Variants in MAPK8IP2 observed in about 807,000 individuals in gnomAD.
MAPK8IP2 encodes mitogen-activated protein kinase 8 interacting protein 2.
In MAPK8IP2, 15 loss-of-function variants were observed where a neutral mutation model predicts 75.6. The observed-to-expected ratio is 0.20, with a 90% CI of 0.13 to 0.31. The LOEUF (loss-of-function observed/expected upper bound fraction) is 0.31. Ranked by LOEUF, MAPK8IP2 falls within the 10% of genes least tolerant of loss-of-function variation. The probability of loss-of-function intolerance (pLI) is 1.00; values close to 1 mark genes in which losing one functional copy is unlikely to be tolerated. For synonymous variants in MAPK8IP2, 632 were observed against 554.5 expected (o/e 1.14, Z -1.96); for missense variants, 1,089 against 1,211.2 (o/e 0.90, Z 1.50).
chr22:50,601,534 G>A, intron 1 of MAPK8IP2: 1 of 453,468 alleles, frequency 2.2e-6, no homozygotes, highest in Non-Finnish European at 4.1e-6. Flanking sequence ...GAGGCTGCTG[G>A]CTCTCCAGGG....
In MAPK8IP2 at chr22:50,607,668, A is replaced by G. The variant is rs470115; in HGVS notation, c.2303+677A>G. On this transcript the variant is annotated intron_variant, in intron 10 of 11. Coordinates refer to ENST00000329492, the MANE Select transcript of MAPK8IP2 (RefSeq NM_012324.6). This position sits in a 1 kb window ranked among gnomAD's most constrained non-coding sequence, Gnocchi z 5.6. ...GGGTGACCTGGAAGAGACCAGGGTG[A>G]CGTCTCCCTGGGGGATGGTTGTACT... Among the ~76,000 whole-genome samples the G allele has an allele frequency of 0.82, 124,183 of 151,508 alleles. 51,115 individuals carry two copies. Among genetic ancestry groups the G allele is most frequent in the East Asian group, 1 (5,108 of 5,128 alleles).
At chr22:50,603,132 GA>G (rs2070963928) in intron 2 of MAPK8IP2, 90 bp from the exon 3 acceptor site, 34 of 1,603,578 alleles carry the variant, frequency 2.1e-5, no homozygotes, top group Non-Finnish European at 2.8e-5. Context: ...TCCTTTGACT[GA>G]TGCTCCCCGA....
rs1280484947 is a variant in MAPK8IP2 at position 50,603,358 on chromosome 22, GA to G, written c.308del (p.Glu103GlyfsTer41). The G allele has an allele frequency of 6.4e-7, 1 of 1,555,102 alleles. No homozygotes were observed. On this transcript the variant is annotated frameshift_variant, in exon 3 of 12. Transcript: ENST00000329492. LOFTEE classifies it high-confidence loss of function. Reference sequence around the variant, plus strand: ...CGAGGAAGAGGAGGAGGAGGAGGAGGAGGGAGATGGGGAAGGCCAGGAGGGA... The same window carrying G: ...CGAGGAAGAGGAGGAGGAGGAGGAGGGGGAGATGGGGAAGGCCAGGAGGGA... ...EDEEEEEEEEEGDGEGQEGGD... is the reference protein window; with the variant it reads ...EDEEEEEEEEXGDGEGQEGGD...
chr22:50,608,200 G>A (rs2071081418), intron 10 of MAPK8IP2, among the ~76,000 whole-genome samples: 1 of 152,206 alleles, frequency 6.6e-6, no homozygotes, highest in Admixed American at 6.5e-5. Flanking sequence ...TGTTGTCCCC[G>A]CCGAGTGCAG....
intron 3 of MAPK8IP2, 54 bp downstream of exon 3, chr22:50,603,552 G>A: frequency 1.3e-6 from 2 of 1,578,718 alleles, no homozygotes; most frequent in Non-Finnish European, 1.7e-6. Flanking sequence ...CATAGCACCT[G>A]GGCTGCAGCC....
chr22:50,610,192 C>T lies in MAPK8IP2; in HGVS notation c.2304-20C>T. 6.3e-7 allele frequency: 1 copy of T among 1,585,500 alleles called. No individual in the cohort carries two copies. The highest frequency in any genetic ancestry group is 2.3e-5 in the East Asian group (1 of 43,590). Reference sequence around the variant, plus strand: ...CTGGGCCAGGGCTCTGACGTGCCCTCCACACTGACTTGCCCGCAGCTATTT... The same window carrying T: ...CTGGGCCAGGGCTCTGACGTGCCCTTCACACTGACTTGCCCGCAGCTATTT... On this transcript the variant is annotated intron_variant, in intron 10 of 11. Transcript: ENST00000329492. The surrounding 1 kb of genome is among the most constrained non-coding windows in gnomAD (Gnocchi z 4.3).
At position 50,613,033 on chromosome 22, in the gene MAPK8IP2, C is replaced by A. The variant is rs1398777823; in HGVS notation, c.*2254C>A. The A allele has an allele frequency of 2.0e-5, 3 of 152,648 alleles. No homozygotes were observed. The highest frequency in any genetic ancestry group is 7.2e-5 in the African/African-American group (3 of 41,456). The allele number at this position is 152,648 out of a possible 1,614,324, so 9.5% of individuals were successfully genotyped here. The stretch of plus-strand genomic sequence containing the variant: ...GCTCCTTCTCCAATCTCATGGTCTT[C>A]TTGAGCTTGGCCGCCCTCCACGCCC... On this transcript the variant is annotated 3_prime_UTR_variant, in exon 12 of 12. Coordinates refer to ENST00000329492, the MANE Select transcript of MAPK8IP2 (RefSeq NM_012324.6).
In MAPK8IP2 at chr22:50,605,552, C is replaced by G. The variant is rs768456183; in HGVS notation, c.1842-10C>G. The stretch of plus-strand genomic sequence containing the variant: ...GCCCCCCTCCCCAGTGACCTCTCCC[C>G]CAACGGCAGGTTCATCCCGCGGCAT... On this transcript the variant is annotated splice_polypyrimidine_tract_variant and intron_variant, in intron 6 of 11. Coordinates refer to ENST00000329492, the MANE Select transcript of MAPK8IP2 (RefSeq NM_012324.6). 1 of 1,490,030 alleles carries G rather than the reference C, an allele frequency of 6.7e-7. No individual in the cohort carries two copies. Among genetic ancestry groups the G allele is most frequent in the East Asian group, 2.8e-5 (1 of 35,330 alleles). 92.3% of individuals were successfully genotyped at this position (1,490,030 alleles called of 1,614,324 possible). A position where few individuals can be genotyped will look rare whatever the true frequency, so the allele number is the denominator to read the frequency against.
chr22:50,606,140 A>G (rs2071045514), intron 8 of MAPK8IP2, among the ~76,000 whole-genome samples: 1 of 152,192 alleles, frequency 6.6e-6, no homozygotes, highest in African/African-American at 2.4e-5. Context: ...GGCAGAGCAC[A>G]GCAGCTGTCC....
At chr22:50,602,041 G>T in intron 2 of MAPK8IP2, 147 bp downstream of exon 2, 2 of 645,364 alleles carry the variant, frequency 3.1e-6, no homozygotes. Context: ...TAACCCTTGA[G>T]GTTTCCTTGG....
Position 50,610,154 on chromosome 22 carries a change from G to T in MAPK8IP2, c.2304-58G>T, listed in dbSNP as rs73172275. The T allele has an allele frequency of 6.2e-6, 8 of 1,283,696 alleles. No individual in the cohort carries two copies. The highest frequency in any genetic ancestry group is 1.3e-5 in the South Asian group (1 of 79,434). 79.5% of individuals were successfully genotyped at this position (1,283,696 alleles called of 1,614,324 possible). A position where few individuals can be genotyped will look rare whatever the true frequency, so the allele number is the denominator to read the frequency against. On this transcript the variant is annotated intron_variant, in intron 10 of 11. Coordinates refer to ENST00000329492, the MANE Select transcript of MAPK8IP2 (RefSeq NM_012324.6). The surrounding 1 kb of genome is among the most constrained non-coding windows in gnomAD (Gnocchi z 4.3). ...TGCCTCTTCTCTCTACATCATTTGT[G>T]GGGTGGCCAAGGCTGGGCCAGGGCT...
chr22:50,601,937 C>T (rs764374498), intron 2 of MAPK8IP2, 43 bp downstream of exon 2: 6 of 1,506,586 alleles, frequency 4.0e-6, no homozygotes, highest in Non-Finnish European at 5.5e-6. Context: ...CAAGGGAGGG[C>T]CTCATTAGGT....
At chr22:50,606,204 A>G (rs2071046433) in intron 8 of MAPK8IP2, among the ~76,000 whole-genome samples, 1 of 152,200 alleles carries the variant, frequency 6.6e-6, no homozygotes, top group African/African-American at 2.4e-5. Context: ...CCCGACTGCC[A>G]TCAGCCCTTC....
rs1456216024 is a variant in MAPK8IP2, at chr22:50,611,365, T to G, written c.*586T>G. 6.6e-6 allele frequency: 1 copy of G among 152,304 alleles called. No homozygotes were observed. The highest frequency in any genetic ancestry group is 1.5e-5 in the Non-Finnish European group (1 of 68,050). The allele number at this position is 152,304 out of a possible 1,614,324, so 9.4% of individuals were successfully genotyped here. ...AGAGCCCTGCGGAGGCTAGGAGTGG[T>G]TCTTGATGCTCACCTGAAGCCCCTA... is the stretch of plus-strand genomic sequence containing the variant. On this transcript the variant is annotated 3_prime_UTR_variant, in exon 12 of 12. Coordinates refer to ENST00000329492, the MANE Select transcript of MAPK8IP2 (RefSeq NM_012324.6). This position sits in a 1 kb window ranked among gnomAD's most constrained non-coding sequence, Gnocchi z 5.5.
Position 50,604,803 on chromosome 22 carries a change from G to A in MAPK8IP2, c.1504G>A (p.Ala502Thr), listed in dbSNP as rs747467821. ...RGTGPSAPRD[A>T]SLVYDAVKYT... ...CACGGGCCCCTCGGCGCCGCGGGACGCGTCGCTGGTGTACGACGCGGTCAA... is the reference window on the plus strand; with the variant it reads ...CACGGGCCCCTCGGCGCCGCGGGACACGTCGCTGGTGTACGACGCGGTCAA... Residue 502 changes from alanine (A) to threonine (T), a missense_variant, in exon 5 of 12, where the codon GCG (alanine) becomes ACG (threonine). Around this residue, in one of 2 missense-constraint regions of MAPK8IP2, gnomAD observed 960 missense variants for 1,009.6 expected, o/e 0.95. Transcript: ENST00000329492. 6.4e-7 allele frequency: 1 copy of A among 1,550,936 alleles called. No individual in the cohort carries two copies. The highest frequency in any genetic ancestry group is 8.7e-7 in the Non-Finnish European group (1 of 1,149,236).
Position 50,610,645 on chromosome 22 carries a change from G to A in MAPK8IP2, c.2403-62G>A. ...GGAGGGAGAGCTCAGAGGCTCTGTG[G>A]AAGGCAGTTTGGGGGTTGAGGACCG... On this transcript the variant is annotated intron_variant, in intron 11 of 11. Coordinates refer to ENST00000329492, the MANE Select transcript of MAPK8IP2 (RefSeq NM_012324.6). This position sits in a 1 kb window ranked among gnomAD's most constrained non-coding sequence, Gnocchi z 4.3. The A allele has an allele frequency of 7.3e-7, 1 of 1,372,086 alleles. No homozygotes were observed. The highest frequency in any genetic ancestry group is 1.2e-5 in the South Asian group (1 of 81,682). The allele number at this position is 1,372,086 out of a possible 1,614,324, so 85.0% of individuals were successfully genotyped here. A position where few individuals can be genotyped will look rare whatever the true frequency, so the allele number is the denominator to read the frequency against.
intron 1 of MAPK8IP2, 54 bp downstream of exon 1, chr22:50,600,937 C>T (rs895535171): frequency 2.7e-6 from 2 of 727,680 alleles, no homozygotes; most frequent in South Asian, 3.8e-5. Flanking sequence ...GCGCACCCCC[C>T]CGACCCCGAC....
chr22:50,604,685 C>A lies in MAPK8IP2; in HGVS notation c.1386C>A (p.Ala462=). The A allele has an allele frequency of 6.6e-7, 1 of 1,524,808 alleles. No individual in the cohort carries two copies. The highest frequency in any genetic ancestry group is 1.4e-5 in the African/African-American group (1 of 71,732). The allele number at this position is 1,524,808 out of a possible 1,614,324, so 94.5% of individuals were successfully genotyped here. Residue 462 remains alanine (A), a synonymous_variant, in exon 5 of 12, where the codon GCC becomes GCA. Coordinates refer to ENST00000329492, the MANE Select transcript of MAPK8IP2 (RefSeq NM_012324.6). ...GCCGCGCCGCCCGCCCGGGACGAGCCTGCTCCGCCGCCTGCTCCGAGGAGG... is the reference window on the plus strand; with the variant it reads ...GCCGCGCCGCCCGCCCGGGACGAGCATGCTCCGCCGCCTGCTCCGAGGAGG... ...APGRAARPGR[A]CSAACSEEED...
chr22:50,612,246 A>G lies in MAPK8IP2; in HGVS notation c.*1467A>G, dbSNP rs984548928. The G allele has an allele frequency of 6.6e-6, 1 of 152,222 alleles. No individual in the cohort carries two copies. The highest frequency in any genetic ancestry group is 2.4e-5 in the African/African-American group (1 of 41,454). The allele number at this position is 152,222 out of a possible 1,614,324, so 9.4% of individuals were successfully genotyped here. ...AAAAAATTCTCCAGAGAAAGCCAGA[A>G]GAAAATAGGTGACTTTTTCACTATG... is the stretch of plus-strand genomic sequence containing the variant. On this transcript the variant is annotated 3_prime_UTR_variant, in exon 12 of 12. Transcript: ENST00000329492.
Sources: allele counts gnomAD v4.1 joint callset (sites outside exome capture counted in the v4.1 genomes callset), GRCh38; gene constraint gnomAD v4.1.1; regional missense constraint gnomAD v4.1.1; non-coding constraint Gnocchi (gnomAD v3.1); transcripts MANE v1.5; gene names NCBI Gene and HGNC (gene_info 2026-07-23, HGNC 2026-07-21).